The following PTPRN2 variants were observed in gnomAD, a reference collection of about 807,000 sequenced individuals.
PTPRN2 encodes the protein receptor-type tyrosine-protein phosphatase N2.
Under a neutral mutation model 118.8 loss-of-function variants are expected in PTPRN2, and 74 were observed. That is an observed-to-expected ratio of 0.62 (90% CI 0.52 to 0.76). The LOEUF (loss-of-function observed/expected upper bound fraction) is 0.76, where lower values mean the gene tolerates loss of function less well. Ranked by LOEUF, PTPRN2 falls within the 30% of genes least tolerant of loss-of-function variation. The pLI, the probability that PTPRN2 is intolerant of heterozygous loss-of-function variation, is 0.00. For missense variants in PTPRN2, 1,481 were observed against 1,394.4 expected (o/e 1.06, Z -0.99); for synonymous variants, 641 against 608.0 (o/e 1.05, Z -0.80).
intron 11 of PTPRN2, among the ~76,000 whole-genome samples, chr7:158,077,165 T>G (rs1475829373): frequency 1.3e-5 from 2 of 151,628 alleles, no homozygotes; most frequent in Non-Finnish European, 2.9e-5. Context: ...CGGCACAGAG[T>G]CCAGTTCTGA....
chr7:157,564,021 G>C (rs1416528464), intron 21 of PTPRN2, among the ~76,000 whole-genome samples: 1 of 152,202 alleles, frequency 6.6e-6, no homozygotes, highest in African/African-American at 2.4e-5. Flanking sequence ...ACTTGGGCCT[G>C]CCCTTAAAAG....
intron 1 of PTPRN2, among the ~76,000 whole-genome samples, chr7:158,567,593 T>C (rs1827738848): frequency 6.6e-6 from 1 of 152,160 alleles, no homozygotes; most frequent in Non-Finnish European, 1.5e-5. Flanking sequence ...AACAGCCAAG[T>C]TAATTAACTG....
rs562979556 is a variant in PTPRN2, at chr7:157,638,859, G to A, written c.2197-17350C>T. On this transcript the variant is annotated intron_variant, in intron 14 of 22. Transcript: ENST00000389418. ...CAGCATTAGCCGTCAGGGCCCACTC[G>A]CTGCTCACCTGCTGCAGACCTTGGC... is the stretch of plus-strand genomic sequence containing the variant. 7.9e-5 allele frequency among the ~76,000 whole-genome samples: 12 copies of A among 152,282 alleles called. No individual in the cohort carries two copies. The South Asian group carries it at 1.5e-3, about 18-fold the overall frequency.
rs554256105 is a variant in PTPRN2 at position 158,451,068 on chromosome 7, C to T, written c.163+38667G>A. On this transcript the variant is annotated intron_variant, in intron 2 of 22. Coordinates refer to ENST00000389418, the MANE Select transcript of PTPRN2 (RefSeq NM_002847.5). The stretch of plus-strand genomic sequence containing the variant: ...AGTAGGGGAGCTGCTGAATTTCATA[C>T]GGCTTCCGTCTTCATCACTCCAATT... Among the ~76,000 whole-genome samples, 11 of 152,354 alleles carry T rather than the reference C, an allele frequency of 7.2e-5. No homozygotes were observed. In the East Asian group the frequency reaches 9.6e-4, roughly 13 times the overall value.
At chr7:158,418,606 C>G (rs372912907) in intron 2 of PTPRN2, among the ~76,000 whole-genome samples, 1 of 72,636 alleles carries the variant, frequency 1.4e-5, no homozygotes, top group African/African-American at 4.3e-5. Flanking sequence ...TGTAGCTCTC[C>G]GTGTCCCGCT....
chr7:158,394,476 G>A (rs1812177713), intron 2 of PTPRN2, among the ~76,000 whole-genome samples: 1 of 152,232 alleles, frequency 6.6e-6, no homozygotes, highest in Non-Finnish European at 1.5e-5. Flanking sequence ...GAGTGACCCA[G>A]GTTGGCAGGT....
intron 2 of PTPRN2, among the ~76,000 whole-genome samples, chr7:158,447,463 G>A (rs1362801480): frequency 6.6e-6 from 1 of 152,172 alleles, no homozygotes; most frequent in African/African-American, 2.4e-5. Context: ...CTCAGGCCAG[G>A]GCGGCACCAC....
At chr7:158,205,735 C>A (rs1339658841) in intron 3 of PTPRN2, among the ~76,000 whole-genome samples, 1 of 152,200 alleles carries the variant, frequency 6.6e-6, no homozygotes, top group African/African-American at 2.4e-5. Context: ...CATCCCCCTG[C>A]AGTGGCTGTG....
chr7:157,577,307 C>T (rs1800110197), intron 18 of PTPRN2, among the ~76,000 whole-genome samples: 1 of 152,166 alleles, frequency 6.6e-6, no homozygotes, highest in South Asian at 2.1e-4. Context: ...GCAGGAACCC[C>T]AAGGCCACAG....
At chr7:158,087,371 A>C (rs1350297101) in intron 10 of PTPRN2, among the ~76,000 whole-genome samples, 1 of 152,230 alleles carries the variant, frequency 6.6e-6, no homozygotes, top group Non-Finnish European at 1.5e-5. Flanking sequence ...GTCAGGGTAG[A>C]TCTTGAAAGT....
chr7:158,199,531 A>G (rs1161854549), intron 4 of PTPRN2, among the ~76,000 whole-genome samples: 1 of 152,132 alleles, frequency 6.6e-6, no homozygotes, highest in Non-Finnish European at 1.5e-5. Context: ...TCATGAATGG[A>G]TGATTGGTTT....
At chr7:158,114,021 C>A (rs1385489972) in intron 9 of PTPRN2, among the ~76,000 whole-genome samples, 1 of 152,230 alleles carries the variant, frequency 6.6e-6, no homozygotes, top group African/African-American at 2.4e-5. Flanking sequence ...CTGTCCTGCC[C>A]AGCCAGTGTG....
intron 3 of PTPRN2, 44 bp downstream of exon 3, chr7:158,316,775 G>A (rs745400501): frequency 5.5e-6 from 8 of 1,441,796 alleles, no homozygotes; most frequent in East Asian, 4.6e-5. Context: ...CCGTGCGGTC[G>A]CTCAGTGCGG....
intron 4 of PTPRN2, among the ~76,000 whole-genome samples, chr7:158,204,115 G>A (rs1826912076): frequency 6.7e-6 from 1 of 150,136 alleles, no homozygotes; most frequent in African/African-American, 2.5e-5. Context: ...GGTGTGCGCC[G>A]CTTGCTGGGG....
chr7:158,039,194 A>C (rs1808287844), intron 11 of PTPRN2, among the ~76,000 whole-genome samples: 1 of 152,254 alleles, frequency 6.6e-6, no homozygotes, highest in South Asian at 2.1e-4. Flanking sequence ...ATAAATCCTC[A>C]AAATATAATT....
chr7:158,253,657 G>A (rs1796834012), intron 3 of PTPRN2, among the ~76,000 whole-genome samples: 1 of 152,196 alleles, frequency 6.6e-6, no homozygotes, highest in Non-Finnish European at 1.5e-5. Context: ...GCAGAATGCG[G>A]CACACAGGCG....
intron 11 of PTPRN2, among the ~76,000 whole-genome samples, chr7:158,001,652 C>T (rs1017260291): frequency 6.6e-5 from 10 of 152,274 alleles, no homozygotes; most frequent in African/African-American, 2.2e-4. Flanking sequence ...CGAAAACCAT[C>T]AGCAGCCTCA....
chr7:157,957,413 A>G (rs1337404737), intron 11 of PTPRN2, among the ~76,000 whole-genome samples: 1 of 152,236 alleles, frequency 6.6e-6, no homozygotes, highest in East Asian at 1.9e-4. Context: ...AAGCATATCC[A>G]TGGAATCAAA....
At chr7:158,134,087 C>T (rs764711131) in intron 8 of PTPRN2, 28 bp from the exon 9 acceptor site, 50 of 1,596,794 alleles carry the variant, frequency 3.1e-5, no homozygotes, top group African/African-American at 1.2e-4. Flanking sequence ...CCGTGAGGGA[C>T]GTCTGCGAAA....
Sources: gnomAD v4.1 joint callset for allele counts (sites outside exome capture counted in the v4.1 genomes callset) on GRCh38, gnomAD v4.1.1 for gene constraint, MANE v1.5 for transcripts, NCBI Gene and HGNC (gene_info 2026-07-23, HGNC 2026-07-21) for gene names.